GON4L: variants seen among roughly 807,000 people sequenced by gnomAD.
The protein encoded by GON4L is GON-4-like protein.
In GON4L, 87 loss-of-function variants were observed where a neutral mutation model predicts 211.8. The observed-to-expected ratio is 0.41, with a 90% CI of 0.35 to 0.49. The LOEUF (loss-of-function observed/expected upper bound fraction) is 0.49. Ranked by LOEUF, GON4L falls within the 20% of genes least tolerant of loss-of-function variation. The probability of loss-of-function intolerance (pLI) is 0.15; values close to 1 mark genes in which losing one functional copy is unlikely to be tolerated. For synonymous variants in GON4L, 875 were observed against 962.6 expected, an observed-to-expected ratio of 0.91 and a Z score of 1.68; for missense variants, 2,155 against 2,659.5, an observed-to-expected ratio of 0.81 and a Z score of 4.17.
At chr1:155,849,448 G>A (rs1671564523) in intron 2 of GON4L, among the ~76,000 whole-genome samples, 1 of 151,482 alleles carries the variant, frequency 6.6e-6, no homozygotes, top group African/African-American at 2.4e-5. Context: ...GGAGGCTGAG[G>A]CAGGAGAATG....
At chr1:155,798,508 C>T (rs1055839686) in intron 11 of GON4L, among the ~76,000 whole-genome samples, 1 of 146,730 alleles carries the variant, frequency 6.8e-6, no homozygotes, top group Non-Finnish European at 1.5e-5. Flanking sequence ...CTCCCGGGTT[C>T]ACGCCATTCT....
downstream of GON4L, among the ~76,000 whole-genome samples, chr1:155,745,514 G>C (rs901425607): frequency 6.6e-6 from 1 of 152,258 alleles, no homozygotes; most frequent in African/African-American, 2.4e-5. Context: ...GTACGAGGCA[G>C]AGCCTTCCGC....
chr1:155,807,638 A>G (rs1488032839), intron 10 of GON4L, among the ~76,000 whole-genome samples: 2 of 135,658 alleles, frequency 1.5e-5, no homozygotes, highest in African/African-American at 5.4e-5. Context: ...CGGGAGGCAG[A>G]GCTTGCAGTG....
chr1:155,850,781 T>C (rs978184369), intron 2 of GON4L, among the ~76,000 whole-genome samples: 2 of 152,076 alleles, frequency 1.3e-5, no homozygotes, highest in South Asian at 2.1e-4. Context: ...CCGGGTGCAG[T>C]GGTTCACGCC....
At chr1:155,790,532 AC>A in intron 12 of GON4L, among the ~76,000 whole-genome samples, 1 of 152,096 alleles carries the variant, frequency 6.6e-6, no homozygotes, top group Non-Finnish European at 1.5e-5. Flanking sequence ...GTTAGCCACT[AC>A]GCCCAGTTAG....
chr1:155,772,931 T>C, intron 18 of GON4L, 135 bp downstream of exon 18: 1 of 1,146,812 alleles, frequency 8.7e-7, no homozygotes. Flanking sequence ...GCTCTGCTCA[T>C]CTATATTGCT....
chr1:155,858,602 C>A (rs1383116088), upstream of GON4L, among the ~76,000 whole-genome samples: 1 of 147,170 alleles, frequency 6.8e-6, no homozygotes, highest in African/African-American at 2.5e-5. Context: ...GAAAAAAATT[C>A]AACACTGATT....
chr1:155,793,121 T>C (rs1185114857), intron 12 of GON4L, among the ~76,000 whole-genome samples: 2 of 152,162 alleles, frequency 1.3e-5, no homozygotes, highest in Admixed American at 6.5e-5. Context: ...TAGGTTTTTC[T>C]TGTACCTTCC....
intron 12 of GON4L, among the ~76,000 whole-genome samples, chr1:155,793,290 C>A (rs1004877445): frequency 2.6e-5 from 4 of 152,128 alleles, no homozygotes; most frequent in Non-Finnish European, 5.9e-5. Flanking sequence ...GTATTCTAAT[C>A]TTAAAAGCAA....
At chr1:155,811,649 C>G (rs1480392896) in intron 10 of GON4L, among the ~76,000 whole-genome samples, 1 of 145,044 alleles carries the variant, frequency 6.9e-6, no homozygotes, top group African/African-American at 2.5e-5. Context: ...CCCAGCTACT[C>G]AGGAGGCTGA....
intron 14 of GON4L, among the ~76,000 whole-genome samples, chr1:155,779,296 C>T (rs1306809058): frequency 1.3e-5 from 2 of 151,712 alleles, no homozygotes; most frequent in African/African-American, 2.4e-5. Flanking sequence ...GAAAGATAAC[C>T]TGCTTGTTGT....
At chr1:155,850,664 A>G (rs1037127131) in intron 2 of GON4L, among the ~76,000 whole-genome samples, 40 of 152,332 alleles carry the variant, frequency 2.6e-4, no homozygotes, top group Admixed American at 2.0e-3. Flanking sequence ...ACAAGACACA[A>G]TAAAAAACCA....
Position 155,814,419 on chromosome 1 carries a change from C to T in GON4L, c.1192G>A (p.Ala398Thr), listed in dbSNP as rs180707019. 1.9e-5 allele frequency: 30 copies of T among 1,613,544 alleles called. No homozygotes were observed. The East Asian group carries it at 6.2e-4, about 34-fold the overall frequency. Reference protein sequence around the residue: ...SLLESDVESTASSPRGAKKSR... With the variant: ...SLLESDVESTTSSPRGAKKSR... ...TTCTTTGCCCCACGTGGAGATGAAGCAGTGCTTTCAACATCACTTTCCAAT... is the reference window on the plus strand; with the variant it reads ...TTCTTTGCCCCACGTGGAGATGAAGTAGTGCTTTCAACATCACTTTCCAAT... Residue 398 changes from alanine (A) to threonine (T), a missense_variant, in exon 9 of 32, where the codon GCT (alanine) becomes ACT (threonine). Physicochemically the swap from Ala to Thr is moderately conservative, Grantham distance 58. Around this residue, in one of 6 missense-constraint regions of GON4L, gnomAD observed 551 missense variants for 854.0 expected, o/e 0.65. Coordinates refer to ENST00000368331, the MANE Select transcript of GON4L (RefSeq NM_001282860.2).
intron 2 of GON4L, among the ~76,000 whole-genome samples, chr1:155,844,345 C>G (rs190109247): frequency 9.2e-5 from 14 of 152,318 alleles, no homozygotes; most frequent in African/African-American, 2.2e-4. Context: ...ACCGACTGCA[C>G]ATATATTAAC....
chr1:155,793,879 G>A (rs1360799662), intron 12 of GON4L, among the ~76,000 whole-genome samples: 1 of 152,036 alleles, frequency 6.6e-6, no homozygotes, highest in Non-Finnish European at 1.5e-5. Context: ...CAAAGTGCTG[G>A]GATTACAGGT....
At chr1:155,771,275 C>T (rs1278690952) in intron 18 of GON4L, 58 bp from the exon 19 acceptor site, 6 of 1,604,200 alleles carry the variant, frequency 3.7e-6, no homozygotes, top group Non-Finnish European at 5.1e-6. Context: ...TAAAGGGTCT[C>T]CCCAGACTAA....
chr1:155,751,897 T>C, intron 30 of GON4L, 28 bp from the exon 31 acceptor site: 7 of 1,611,548 alleles, frequency 4.3e-6, no homozygotes, highest in Non-Finnish European at 5.9e-6. Context: ...TGATTAACCC[T>C]AGGGAGCCAC....
At chr1:155,761,677 T>A (rs907288500) in intron 23 of GON4L, among the ~76,000 whole-genome samples, 5 of 151,780 alleles carry the variant, frequency 3.3e-5, no homozygotes, top group Non-Finnish European at 5.9e-5. Context: ...TGTATTTTAG[T>A]AGAGACAGGG....
chr1:155,757,173 C>T lies in GON4L; in HGVS notation c.5397+7G>A, dbSNP rs1661277445. ...TCATAAGGCTACAGCAGCCTTAGGT[C>T]CTATACCTCATACTCCTTTTCCTCA... On this transcript the variant is annotated splice_region_variant and intron_variant, in intron 26 of 31. Transcript: ENST00000368331. 1.2e-6 allele frequency: 2 copies of T among 1,613,842 alleles called. No individual in the cohort carries two copies. Among genetic ancestry groups the T allele is most frequent in the Non-Finnish European group, 1.7e-6 (2 of 1,179,894 alleles).
Sources: allele counts gnomAD v4.1 joint callset (sites outside exome capture counted in the v4.1 genomes callset), GRCh38; gene constraint gnomAD v4.1.1; regional missense constraint gnomAD v4.1.1; transcripts MANE v1.5; gene names NCBI Gene and HGNC (gene_info 2026-07-23, HGNC 2026-07-21).